The following KIAA1549L variants were observed in gnomAD, a reference collection of about 807,000 sequenced individuals.
KIAA1549L encodes KIAA1549 like, also known as UPF0606 protein KIAA1549L.
In KIAA1549L, 88 loss-of-function variants were observed where a neutral mutation model predicts 160.7. The ratio of observed to expected loss-of-function variants is 0.55; its 90% CI spans 0.46 to 0.65. The LOEUF (loss-of-function observed/expected upper bound fraction) is 0.65. Ranked by LOEUF, KIAA1549L falls within the 30% of genes least tolerant of loss-of-function variation. KIAA1549L has a pLI of 0.00. For missense variants in KIAA1549L, 2,258 were observed against 2,437.5 expected (o/e 0.93, Z 1.55); for synonymous variants, 950 against 976.7 (o/e 0.97, Z 0.51).
chr11:33,653,188 G>A (rs1408027611), intron 17 of KIAA1549L, among the ~76,000 whole-genome samples: 1 of 152,164 alleles, frequency 6.6e-6, no homozygotes, highest in African/African-American at 2.4e-5. Context: ...ACTGTAATAA[G>A]ACAGACCTGG....
At chr11:33,632,402 G>C (rs1157600986) in intron 16 of KIAA1549L, among the ~76,000 whole-genome samples, 2 of 152,206 alleles carry the variant, frequency 1.3e-5, no homozygotes, top group East Asian at 1.9e-4. Context: ...AATCACTGTA[G>C]CAGTGAATGC....
At chr11:33,407,830 C>T (rs1402932521) in intron 1 of KIAA1549L, among the ~76,000 whole-genome samples, 1 of 152,116 alleles carries the variant, frequency 6.6e-6, no homozygotes, top group Non-Finnish European at 1.5e-5. Flanking sequence ...ACTTTAAATC[C>T]CCCAGCCTTC....
At chr11:33,660,566 A>AG in intron 19 of KIAA1549L, among the ~76,000 whole-genome samples, 1 of 120,288 alleles carries the variant, frequency 8.3e-6, no homozygotes, top group South Asian at 3.0e-4. Flanking sequence ...CTCCGTCTCA[A>AG]AAAAAAAAAA....
intron 12 of KIAA1549L, among the ~76,000 whole-genome samples, chr11:33,597,458 G>A (rs909517597): frequency 6.6e-6 from 1 of 152,194 alleles, no homozygotes; most frequent in Non-Finnish European, 1.5e-5. Flanking sequence ...GAAGCTGCTC[G>A]CCTACTGATC....
At chr11:33,663,807 C>T (rs1852347461) in intron 20 of KIAA1549L, among the ~76,000 whole-genome samples, 1 of 152,196 alleles carries the variant, frequency 6.6e-6, no homozygotes, top group Non-Finnish European at 1.5e-5. Context: ...AGGCACTCTC[C>T]ACCTTCATGG....
chr11:33,592,778 G>T (rs60796560), intron 12 of KIAA1549L, among the ~76,000 whole-genome samples: 73 of 152,348 alleles, frequency 4.8e-4, no homozygotes, highest in African/African-American at 1.7e-3. Context: ...AGGAGACATA[G>T]TGCTATTTTA....
intron 11 of KIAA1549L, among the ~76,000 whole-genome samples, chr11:33,585,246 C>T (rs150250585): frequency 8.5e-5 from 13 of 152,244 alleles, no homozygotes; most frequent in South Asian, 2.1e-4. Context: ...TGGCCGGGCG[C>T]GGTGGCTCAC....
At chr11:33,471,144 C>A (rs973717840) in intron 1 of KIAA1549L, among the ~76,000 whole-genome samples, 1 of 151,824 alleles carries the variant, frequency 6.6e-6, no homozygotes, top group African/African-American at 2.4e-5. Context: ...ATAGTGAAAT[C>A]TTTTTGAACA....
At chr11:33,539,918 A>G (rs999575369) in intron 1 of KIAA1549L, among the ~76,000 whole-genome samples, 13 of 152,238 alleles carry the variant, frequency 8.5e-5, no homozygotes, top group Non-Finnish European at 1.6e-4. Flanking sequence ...AAGATTGTTC[A>G]TAGAAACTTT....
At chr11:33,665,463 T>G (rs544961543) in intron 20 of KIAA1549L, 2 of 152,458 alleles carry the variant, frequency 1.3e-5, no homozygotes, top group South Asian at 4.1e-4. Context: ...TGCATGTCTC[T>G]GAAGCTCTCA....
intron 15 of KIAA1549L, among the ~76,000 whole-genome samples, chr11:33,614,564 ATATATATATATATATATATATTTTTTTTT>A (rs1850747628): frequency 1.5e-4 from 2 of 13,474 alleles, no homozygotes; most frequent in African/African-American, 1.3e-3. Flanking sequence ...ATATATATAT[ATATATATATATATATATATATTTTTTTTT>A]TTTTTTTTTT....
At chr11:33,448,382 T>G (rs1851658187) in intron 1 of KIAA1549L, among the ~76,000 whole-genome samples, 1 of 152,212 alleles carries the variant, frequency 6.6e-6, no homozygotes, top group East Asian at 1.9e-4. Flanking sequence ...CTGTGTGTGT[T>G]TATCTCTTAA....
At chr11:33,533,865 C>T (rs972305827) in intron 1 of KIAA1549L, among the ~76,000 whole-genome samples, 1 of 152,192 alleles carries the variant, frequency 6.6e-6, no homozygotes, top group African/African-American at 2.4e-5. Flanking sequence ...TTTCCTCATC[C>T]AGCACCTCCT....
At chr11:33,647,138 A>T (rs540841601) in intron 17 of KIAA1549L, among the ~76,000 whole-genome samples, 1 of 152,336 alleles carries the variant, frequency 6.6e-6, no homozygotes, top group Admixed American at 6.5e-5. Context: ...TAATCCCAGC[A>T]CTTTGGGAGG....
chr11:33,431,119 C>T (rs1851230957), intron 1 of KIAA1549L, among the ~76,000 whole-genome samples: 1 of 152,064 alleles, frequency 6.6e-6, no homozygotes, highest in Non-Finnish European at 1.5e-5. Context: ...GTTGTTCGTT[C>T]CTCCTGGTGG....
At chr11:33,382,706 T>C (rs1221465473) in intron 1 of KIAA1549L, among the ~76,000 whole-genome samples, 1 of 152,174 alleles carries the variant, frequency 6.6e-6, no homozygotes, top group Non-Finnish European at 1.5e-5. Context: ...CAAAGATTCT[T>C]ACAAGATGTC....
At chr11:33,438,343 G>A (rs558919848) in intron 1 of KIAA1549L, among the ~76,000 whole-genome samples, 3 of 152,192 alleles carry the variant, frequency 2.0e-5, no homozygotes, top group South Asian at 4.1e-4. Context: ...TTTTACCCTC[G>A]TTTCTCCTTA....
chr11:33,397,333 C>CAA (rs56097253), intron 1 of KIAA1549L, among the ~76,000 whole-genome samples: 63,316 of 134,626 alleles, frequency 0.47, 15,854 homozygotes, highest in Non-Finnish European at 0.58. Context: ...GACTCTGTGT[C>CAA]AAAAAAAAAA....
At chr11:33,406,955 A>G (rs950953676) in intron 1 of KIAA1549L, among the ~76,000 whole-genome samples, 4 of 152,030 alleles carry the variant, frequency 2.6e-5, no homozygotes, top group African/African-American at 9.7e-5. Context: ...TTCCTCAGGC[A>G]CTTATGTTCT....
Sources: allele counts gnomAD v4.1 joint callset (sites outside exome capture counted in the v4.1 genomes callset), GRCh38; gene constraint gnomAD v4.1.1; transcripts MANE v1.5; gene names NCBI Gene and HGNC (gene_info 2026-07-23, HGNC 2026-07-21).